The following PDIA6 variants were observed in gnomAD, a reference collection of about 807,000 sequenced individuals.
The protein encoded by PDIA6 is protein disulfide isomerase family A member 6.
A neutral mutation model predicts 58.4 loss-of-function variants in PDIA6; 29 were observed. The ratio of observed to expected loss-of-function variants is 0.50; its 90% CI spans 0.37 to 0.68. The LOEUF is 0.68. Among genes scored for constraint, PDIA6 ranks in the 30% least tolerant of loss-of-function variants. The probability of loss-of-function intolerance (pLI) is 0.00; values close to 1 mark genes in which losing one functional copy is unlikely to be tolerated. For missense variants in PDIA6, 480 were observed against 551.0 expected (o/e 0.87, Z 1.29); for synonymous variants, 192 against 202.6 (o/e 0.95, Z 0.44).
At chr2:10,836,486 T>A (rs976338162), upstream of PDIA6, among the ~76,000 whole-genome samples, 8 of 151,844 alleles carry the variant, frequency 5.3e-5, no homozygotes, top group Non-Finnish European at 7.4e-5. Context: ...GTGCTGAGAT[T>A]AAAGGCATGA....
rs184292567 is a variant in PDIA6, at chr2:10,807,624, G to T, written c.20-4984C>A. On this transcript the variant is annotated intron_variant, in intron 1 of 12. Transcript: ENST00000272227. ...AAGTGAGACTGGCCTGTGTTCTCAA[G>T]TAGTGTGTGTACATGCCATCTTAGT... is the stretch of plus-strand genomic sequence containing the variant. Among the ~76,000 whole-genome samples, 1,290 of 152,344 alleles carry T rather than the reference G, an allele frequency of 8.5e-3. 12 individuals are homozygous for T. The highest frequency in any genetic ancestry group is 0.014 in the Non-Finnish European group (930 of 68,030).
chr2:10,814,151 G>A (rs1473871043), upstream of PDIA6, among the ~76,000 whole-genome samples: 1 of 152,236 alleles, frequency 6.6e-6, no homozygotes, highest in Non-Finnish European at 1.5e-5. Context: ...ATTGTAGTGT[G>A]TAAGGCATAA....
At chr2:10,805,187 T>C (rs1666682111) in intron 1 of PDIA6, among the ~76,000 whole-genome samples, 1 of 146,840 alleles carries the variant, frequency 6.8e-6, no homozygotes, top group Non-Finnish European at 1.5e-5. Flanking sequence ...ATCCAGAATC[T>C]ACAATGAACT....
upstream of PDIA6, among the ~76,000 whole-genome samples, chr2:10,816,209 A>C (rs1667188680): frequency 6.7e-6 from 1 of 149,462 alleles, no homozygotes; most frequent in East Asian, 2.0e-4. Flanking sequence ...CAGCCTCCCA[A>C]GTAGCTGGGA....
intron 1 of PDIA6, among the ~76,000 whole-genome samples, chr2:10,824,003 A>G (rs1047490790): frequency 2.0e-5 from 3 of 152,206 alleles, no homozygotes; most frequent in Non-Finnish European, 2.9e-5. Flanking sequence ...GTAAGCACCC[A>G]CATCATGATT....
At chr2:10,795,480 T>G (rs1016053251) in intron 4 of PDIA6, among the ~76,000 whole-genome samples, 22 of 121,954 alleles carry the variant, frequency 1.8e-4, no homozygotes, top group Non-Finnish European at 4.1e-4. Context: ...AGGCCACATC[T>G]TCATCTTCAG....
chr2:10,802,571 A>G lies in PDIA6; in HGVS notation c.89T>C (p.Leu30Ser). The G allele has an allele frequency of 6.7e-7, 1 of 1,493,348 alleles. No homozygotes were observed. Among genetic ancestry groups the G allele is most frequent in the Non-Finnish European group, 8.9e-7 (1 of 1,120,048 alleles). The allele number at this position is 1,493,348 out of a possible 1,614,324, so 92.5% of individuals were successfully genotyped here. ...TTCTCGGTTGAAATTCGATGGAGTT[A>G]ATTCGATCACATCATCACTAGAGGA... ...LYSSSDDVIE[L>S]TPSNFNREVI... The change falls in exon 2 of 13, where the codon TTA becomes TCA. Residue 30 changes from leucine to serine, a missense_variant. Physicochemically the swap from Leu to Ser is moderately radical, Grantham distance 145. Coordinates refer to ENST00000272227, the MANE Select transcript of PDIA6 (RefSeq NM_005742.4).
chr2:10,798,381 A>G (rs532388544), intron 2 of PDIA6, among the ~76,000 whole-genome samples: 13 of 152,138 alleles, frequency 8.5e-5, no homozygotes, highest in Admixed American at 3.9e-4. Context: ...CAGCCTGGCC[A>G]ACATGGTGAC....
chr2:10,791,193 G>C (rs1666019556), intron 6 of PDIA6, among the ~76,000 whole-genome samples: 1 of 151,440 alleles, frequency 6.6e-6, no homozygotes, highest in African/African-American at 2.4e-5. Flanking sequence ...ATCCAGGATG[G>C]AGCGCAGTGG....
chr2:10,821,134 C>A, intron 1 of PDIA6: 1 of 354,454 alleles, frequency 2.8e-6, no homozygotes, highest in Non-Finnish European at 5.3e-6. Context: ...TATTGCCCAT[C>A]CTTTATGGCC....
At chr2:10,813,688 T>A (rs149967718), upstream of PDIA6, among the ~76,000 whole-genome samples, 65 of 150,908 alleles carry the variant, frequency 4.3e-4, no homozygotes, top group East Asian at 0.012. Flanking sequence ...CAGGCTGGAG[T>A]GCAAAGGCGG....
chr2:10,819,277 G>A, exon 2 of PDIA6: 1 of 1,518,994 alleles, frequency 6.6e-7, no homozygotes, highest in Non-Finnish European at 8.9e-7. Flanking sequence ...TACTTACCGG[G>A]TGCATTAGCC....
chr2:10,801,069 T>G (rs1243042105), intron 2 of PDIA6, among the ~76,000 whole-genome samples: 1 of 152,096 alleles, frequency 6.6e-6, no homozygotes, highest in African/African-American at 2.4e-5. Context: ...GCTTGAGCCC[T>G]GGAGTTAGAG....
chr2:10,836,088 T>C (rs73915823), upstream of PDIA6, among the ~76,000 whole-genome samples: 216 of 151,910 alleles, frequency 1.4e-3, no homozygotes, highest in African/African-American at 5.0e-3. Flanking sequence ...GTGGAGTACC[T>C]TGGTGCCTGA....
At chr2:10,809,206 T>C (rs182921635) in intron 1 of PDIA6, among the ~76,000 whole-genome samples, 2 of 152,384 alleles carry the variant, frequency 1.3e-5, no homozygotes, top group African/African-American at 4.8e-5. Context: ...CCATTTTAAA[T>C]GTAGCTACTA....
upstream of PDIA6, among the ~76,000 whole-genome samples, chr2:10,815,885 C>T (rs56268818): frequency 0.14 from 21,645 of 152,018 alleles, 1,964 homozygotes; most frequent in Non-Finnish European, 0.21. Context: ...GCATTAAATA[C>T]ATTCACAATG....
chr2:10,832,340 T>A, exon 1 of PDIA6: 1 of 825,648 alleles, frequency 1.2e-6, no homozygotes, highest in Non-Finnish European at 1.5e-6. Flanking sequence ...CACAGTGCAA[T>A]GCAGTGCAGC....
chr2:10,784,620 A>C (rs1408080724), intron 12 of PDIA6: 1 of 506,736 alleles, frequency 2.0e-6, no homozygotes, highest in Admixed American at 3.7e-5. Flanking sequence ...TGCTAATTTC[A>C]AAGCTATCAT....
At chr2:10,822,352 T>C (rs1158394554) in intron 1 of PDIA6, among the ~76,000 whole-genome samples, 2 of 152,032 alleles carry the variant, frequency 1.3e-5, no homozygotes, top group African/African-American at 4.8e-5. Context: ...AAGCTCCGCC[T>C]CCCGGGTTCA....
Sources: gnomAD v4.1 joint callset for allele counts (sites outside exome capture counted in the v4.1 genomes callset) on GRCh38, gnomAD v4.1.1 for gene constraint, MANE v1.5 for transcripts, NCBI Gene and HGNC (gene_info 2026-07-23, HGNC 2026-07-21) for gene names.